The following NACC1 variants were observed in gnomAD, a reference collection of about 807,000 sequenced individuals.
NACC1 encodes the protein nucleus accumbens associated 1, also known as nucleus accumbens-associated protein 1.
A neutral mutation model predicts 41.7 loss-of-function variants in NACC1; 6 were observed. The ratio of observed to expected loss-of-function variants is 0.14; its 90% CI spans 0.08 to 0.28. The LOEUF is 0.28. Among genes scored for constraint, NACC1 ranks in the 10% least tolerant of loss-of-function variants. The pLI, the probability that NACC1 is intolerant of heterozygous loss-of-function variation, is 1.00. For missense variants in NACC1, 434 were observed against 763.7 expected, an observed-to-expected ratio of 0.57 and a Z score of 5.09; for synonymous variants, 338 against 330.6, an observed-to-expected ratio of 1.02 and a Z score of -0.24.
chr19:13,136,586 G>T lies in NACC1; in HGVS notation c.1120+181G>T, dbSNP rs1241277904. ...GAGATGGAGGAGCTGATACAGCAAG[G>T]CCTGGCCTCTAGGTTTCTGGCTTAA... On this transcript the variant is annotated intron_variant, in intron 3 of 5. Transcript: ENST00000292431. This position sits in a 1 kb window ranked among gnomAD's most constrained non-coding sequence, Gnocchi z 5.5. Among the ~76,000 whole-genome samples, 1 of 152,176 alleles carries T rather than the reference G, an allele frequency of 6.6e-6. No homozygotes were observed. Among genetic ancestry groups the T allele is most frequent in the East Asian group, 1.9e-4 (1 of 5,188 alleles).
chr19:13,127,436 C>T (rs1452663074), intron 1 of NACC1, among the ~76,000 whole-genome samples: 6 of 130,538 alleles, frequency 4.6e-5, no homozygotes, highest in Admixed American at 4.3e-4. Flanking sequence ...GTGGCTCACG[C>T]CTGTAATCCC....
rs955197469 is a variant in NACC1 at position 13,118,323 on chromosome 19, G to GGCGGAGGCCGCGGAGGCCGCGGAGGCC, written c.-114_-113insCGCGGAGGCCGCGGAGGCCGCGGAGGC. 6.8e-6 allele frequency: 1 copy of GGCGGAGGCCGCGGAGGCCGCGGAGGCC among 147,310 alleles called. No individual in the cohort carries two copies. The highest frequency in any genetic ancestry group is 1.5e-5 in the Non-Finnish European group (1 of 66,136). The allele number at this position is 147,310 out of a possible 1,614,324, so 9.1% of individuals were successfully genotyped here. Reference sequence around the variant, plus strand: ...CCGCCGCGGCTGCCGCTGCTGCTGAGGCGGAGGCCGCGGAGGCCGCGGAGG... The same window carrying GGCGGAGGCCGCGGAGGCCGCGGAGGCC: ...CCGCCGCGGCTGCCGCTGCTGCTGAGGCGGAGGCCGCGGAGGCCGCGGAGGCCGCGGAGGCCGCGGAGGCCGCGGAGG... On this transcript the variant is annotated 5_prime_UTR_variant, in exon 1 of 6. Coordinates refer to ENST00000292431, the MANE Select transcript of NACC1 (RefSeq NM_052876.4).
chr19:13,131,168 C>A (rs995048428), intron 1 of NACC1, among the ~76,000 whole-genome samples: 2 of 152,164 alleles, frequency 1.3e-5, no homozygotes, highest in African/African-American at 4.8e-5. Flanking sequence ...ACAGCTGGTC[C>A]TTTTAGGGCT....
At chr19:13,125,433 T>C (rs2019549985) in intron 1 of NACC1, among the ~76,000 whole-genome samples, 1 of 121,014 alleles carries the variant, frequency 8.3e-6, no homozygotes, top group Admixed American at 8.1e-5. Context: ...TTTTTTTTTT[T>C]TGGTGAGACG....
At chr19:13,117,741 A>T (rs1480873762), upstream of NACC1, among the ~76,000 whole-genome samples, 1 of 151,900 alleles carries the variant, frequency 6.6e-6, no homozygotes, top group Non-Finnish European at 1.5e-5. Flanking sequence ...TTTAGTAGAG[A>T]CAGAGTTTCA....
intron 1 of NACC1, 45 bp from the exon 2 acceptor site, chr19:13,135,155 G>C: frequency 1.3e-6 from 2 of 1,493,714 alleles, no homozygotes; most frequent in Non-Finnish European, 8.9e-7. Context: ...GCCTGACCCC[G>C]TCCCTCCGTC....
intron 1 of NACC1, among the ~76,000 whole-genome samples, chr19:13,122,525 G>C (rs1278463226): frequency 3.6e-4 from 17 of 47,034 alleles, no homozygotes; most frequent in South Asian, 1.5e-3. Flanking sequence ...GCCCCTGCCG[G>C]GGGGGGGGGG....
chr19:13,123,479 G>A (rs947638331), intron 1 of NACC1, among the ~76,000 whole-genome samples: 1 of 152,194 alleles, frequency 6.6e-6, no homozygotes, highest in Admixed American at 6.5e-5. Flanking sequence ...CGCGGAGACT[G>A]CTCATTCCCG....
At chr19:13,122,774 AT>A (rs1336081603) in intron 1 of NACC1, among the ~76,000 whole-genome samples, 1 of 152,102 alleles carries the variant, frequency 6.6e-6, no homozygotes, top group Admixed American at 6.5e-5. Flanking sequence ...ATCCCATGAA[AT>A]GTGCGAGGTC....
rs1033633323 is a variant in NACC1 at position 13,138,040 on chromosome 19, G to T, written c.1325-107G>T. 7 of 1,517,164 alleles carry T rather than the reference G, an allele frequency of 4.6e-6. No individual in the cohort carries two copies. The highest frequency in any genetic ancestry group is 2.7e-5 in the African/African-American group (2 of 73,378). 94.0% of individuals were successfully genotyped at this position (1,517,164 alleles called of 1,614,324 possible). A position where few individuals can be genotyped will look rare whatever the true frequency, so the allele number is the denominator to read the frequency against. On this transcript the variant is annotated intron_variant, in intron 5 of 5. Transcript: ENST00000292431. This position sits in a 1 kb window ranked among gnomAD's most constrained non-coding sequence, Gnocchi z 5.7. ...GTGTCCTGGCCGCGTGGCCTCACTC[G>T]TTTCCCCTTTGAGAGGGAGTCGCAG...
At chr19:13,117,891 C>T (rs537771131), upstream of NACC1, among the ~76,000 whole-genome samples, 1 of 152,296 alleles carries the variant, frequency 6.6e-6, no homozygotes, top group East Asian at 1.9e-4. Context: ...GCAGTTCTCA[C>T]TAAAAAATGT....
rs188272339 is a variant in NACC1, at chr19:13,133,436, C to T, written c.-8-1764C>T. Among the ~76,000 whole-genome samples, 24 of 152,252 alleles carry T rather than the reference C, an allele frequency of 1.6e-4. No homozygotes were observed. The East Asian group carries it at 2.3e-3, about 15-fold the overall frequency. On this transcript the variant is annotated intron_variant, in intron 1 of 5. Coordinates refer to ENST00000292431, the MANE Select transcript of NACC1 (RefSeq NM_052876.4). Reference sequence around the variant, plus strand: ...TCCCTCACCACACCCCCATTCTCCCCGCCTCCCAGCCCCTGGCAACCACTA... The same window carrying T: ...TCCCTCACCACACCCCCATTCTCCCTGCCTCCCAGCCCCTGGCAACCACTA...
intron 1 of NACC1, among the ~76,000 whole-genome samples, chr19:13,124,643 T>C (rs1447269849): frequency 6.6e-6 from 1 of 152,174 alleles, no homozygotes; most frequent in Non-Finnish European, 1.5e-5. Flanking sequence ...CCTGAGTAGC[T>C]GCCAGGATCC....
At position 13,136,453 on chromosome 19, in the gene NACC1, G is replaced by T. The variant is rs762734282; in HGVS notation, c.1120+48G>T. 6.4e-7 allele frequency: 1 copy of T among 1,559,640 alleles called. No individual in the cohort carries two copies. On this transcript the variant is annotated intron_variant, in intron 3 of 5. Coordinates refer to ENST00000292431, the MANE Select transcript of NACC1 (RefSeq NM_052876.4). This position sits in a 1 kb window ranked among gnomAD's most constrained non-coding sequence, Gnocchi z 5.5. ...CTCTCCCCTCCGCAGCTTTGGAGCC[G>T]GCTGGCCTGGGCTGGGCTGGGCAGC... is the stretch of plus-strand genomic sequence containing the variant.
At chr19:13,128,161 C>A (rs1303907186) in intron 1 of NACC1, among the ~76,000 whole-genome samples, 1 of 152,078 alleles carries the variant, frequency 6.6e-6, no homozygotes, top group African/African-American at 2.4e-5. Flanking sequence ...GGGGTGTGTG[C>A]GAGTCTGGCA....
intron 1 of NACC1, among the ~76,000 whole-genome samples, chr19:13,121,861 G>A (rs1013484122): frequency 6.6e-6 from 1 of 152,200 alleles, no homozygotes; most frequent in African/African-American, 2.4e-5. Flanking sequence ...AGCAGGTCCT[G>A]CCTGTTATCA....
intron 1 of NACC1, among the ~76,000 whole-genome samples, chr19:13,119,904 T>A (rs1360722799): frequency 6.6e-6 from 1 of 152,162 alleles, no homozygotes; most frequent in African/African-American, 2.4e-5. Flanking sequence ...ACGAGGAAGC[T>A]GAGGCTCGGG....
At chr19:13,131,609 T>TA in intron 1 of NACC1, 1 of 152,356 alleles carries the variant, frequency 6.6e-6, no homozygotes, top group Non-Finnish European at 1.5e-5. Context: ...TGTTGCCTTG[T>TA]AACTGGGATT....
chr19:13,119,664 G>C (rs2019464112), intron 1 of NACC1, among the ~76,000 whole-genome samples: 1 of 152,166 alleles, frequency 6.6e-6, no homozygotes, highest in Non-Finnish European at 1.5e-5. Context: ...AAGAATTAGA[G>C]GGAATGAGCA....
Sources: allele counts gnomAD v4.1 joint callset (sites outside exome capture counted in the v4.1 genomes callset), GRCh38; gene constraint gnomAD v4.1.1; non-coding constraint Gnocchi (gnomAD v3.1); transcripts MANE v1.5; gene names NCBI Gene and HGNC (gene_info 2026-07-23, HGNC 2026-07-21).